LRRC72: variants seen among roughly 807,000 people sequenced by gnomAD.
LRRC72 encodes the protein leucine rich repeat containing 72.
A neutral mutation model predicts 35.8 loss-of-function variants in LRRC72; 41 were observed. The observed-to-expected ratio is 1.15, with a 90% CI of 0.89 to 1.49. LRRC72 has a LOEUF of 1.49. Ranked by LOEUF, LRRC72 falls within the 40% of genes most tolerant of loss-of-function variation. The pLI is 0.00. For synonymous variants in LRRC72, 118 were observed against 119.2 expected (o/e 0.99, Z 0.07); for missense variants, 389 against 330.7 (o/e 1.18, Z -1.37).
chr7:16,579,926 T>G (rs1783111121), intron 7 of LRRC72, 148 bp from the exon 8 acceptor site: 1 of 190,390 alleles, frequency 5.3e-6, no homozygotes, highest in Non-Finnish European at 1.2e-5. Flanking sequence ...TAAAAAGGCA[T>G]TTTTGACAGA....
At chr7:16,574,984 G>A (rs557342800) in intron 7 of LRRC72, among the ~76,000 whole-genome samples, 3 of 152,026 alleles carry the variant, frequency 2.0e-5, no homozygotes, top group South Asian at 2.1e-4. Context: ...GCATGATGGC[G>A]GGCACCTGTA....
chr7:16,537,508 T>G (rs1782277130), intron 2 of LRRC72, 119 bp from the exon 3 acceptor site: 1 of 490,990 alleles, frequency 2.0e-6, no homozygotes, highest in African/African-American at 2.0e-5. Flanking sequence ...GTGCCAATAA[T>G]TTTGAAAGGA....
chr7:16,532,109 A>C (rs1782177156), intron 1 of LRRC72, among the ~76,000 whole-genome samples: 1 of 152,222 alleles, frequency 6.6e-6, no homozygotes, highest in South Asian at 2.1e-4. Context: ...CTGATACTGC[A>C]TGAATTCTCT....
At position 16,567,443 on chromosome 7, in the gene LRRC72, G is replaced by T; in HGVS notation, c.570G>T (p.Lys190Asn). ...RSMITIFNHK[K>N]AHIVQSIAFG... ...TGATTACCATTTTTAACCATAAAAA[G>T]GCTCATATCGTTCAATCAATAGCAT... The change falls in exon 7 of 9, where the codon AAG becomes AAT. Residue 190 changes from lysine (K) to asparagine (N), a missense_variant. Lys to Asn is a moderately conservative substitution (Grantham distance 94, BLOSUM62 0). Transcript: ENST00000401542. The T allele has an allele frequency of 6.6e-7, 1 of 1,525,322 alleles. No individual in the cohort carries two copies. Among genetic ancestry groups the T allele is most frequent in the Non-Finnish European group, 8.8e-7 (1 of 1,135,912 alleles). 94.5% of individuals were successfully genotyped at this position (1,525,322 alleles called of 1,614,324 possible).
chr7:16,571,768 C>T (rs531421526), intron 7 of LRRC72, among the ~76,000 whole-genome samples: 46 of 152,254 alleles, frequency 3.0e-4, no homozygotes, highest in African/African-American at 1.0e-3. Context: ...ACTGGGCGGC[C>T]ATTTGGGCAG....
At chr7:16,573,099 T>C (rs959182498) in intron 7 of LRRC72, among the ~76,000 whole-genome samples, 2 of 152,128 alleles carry the variant, frequency 1.3e-5, no homozygotes, top group African/African-American at 4.8e-5. Flanking sequence ...TTATAAGGGA[T>C]GTGAAGGACC....
At chr7:16,577,535 A>C (rs1339331210) in intron 7 of LRRC72, among the ~76,000 whole-genome samples, 2 of 152,230 alleles carry the variant, frequency 1.3e-5, no homozygotes, top group East Asian at 3.8e-4. Context: ...AACTACATGA[A>C]AATGAAAAAC....
chr7:16,529,814 T>C (rs867758716), intron 1 of LRRC72, among the ~76,000 whole-genome samples: 3 of 152,210 alleles, frequency 2.0e-5, no homozygotes, highest in African/African-American at 7.2e-5. Context: ...TTTTTAAATA[T>C]TCATTCTATG....
intron 3 of LRRC72, among the ~76,000 whole-genome samples, chr7:16,553,430 G>A (rs773607260): frequency 1.6e-4 from 24 of 152,152 alleles, no homozygotes; most frequent in Non-Finnish European, 3.1e-4. Context: ...GGATATGGGG[G>A]TCAAATAAAT....
chr7:16,539,553 C>T (rs1008028927), intron 3 of LRRC72, among the ~76,000 whole-genome samples: 33 of 152,164 alleles, frequency 2.2e-4, no homozygotes, highest in African/African-American at 7.7e-4. Flanking sequence ...TCAAGCCAGC[C>T]GCAGAAATTT....
Position 16,566,367 on chromosome 7 carries a change from AC to A in LRRC72, c.484del (p.His162ThrfsTer21). The part of the protein sequence containing the change: ...QYNLYRLYII[Y>X]HLPGVELLDR... ...AACCTGTATCGTTTATATATCATCTACCACCTTCCAGGAGTGGAGCTGCTTG... is the reference window on the plus strand; with the variant it reads ...AACCTGTATCGTTTATATATCATCTACACCTTCCAGGAGTGGAGCTGCTTG... On this transcript the variant is annotated frameshift_variant, in exon 6 of 9. Transcript: ENST00000401542. LOFTEE classifies it high-confidence loss of function. 1 of 1,547,568 alleles carries A rather than the reference AC, an allele frequency of 6.5e-7. No homozygotes were observed. The highest frequency in any genetic ancestry group is 1.2e-5 in the South Asian group (1 of 83,106).
In LRRC72 at chr7:16,573,675, AT is replaced by A. The variant is rs534969708; in HGVS notation, c.670+6133del. Among the ~76,000 whole-genome samples the A allele has an allele frequency of 2.5e-3, 374 of 152,348 alleles. 1 individual carries two copies. The highest frequency in any genetic ancestry group is 4.0e-3 in the Non-Finnish European group (273 of 68,032). On this transcript the variant is annotated intron_variant, in intron 7 of 8. Transcript: ENST00000401542. ...AACTCAAGATGGATTAGAGACTTAA[AT>A]GTGAGACCTAAAACCATAAAACCCT...
chr7:16,558,406 C>T (rs1381484780), intron 4 of LRRC72, among the ~76,000 whole-genome samples: 1 of 152,066 alleles, frequency 6.6e-6, no homozygotes, highest in African/African-American at 2.4e-5. Context: ...GTCGGGAGTT[C>T]GAGACCAGCC....
chr7:16,574,767 T>C (rs1332125866), intron 7 of LRRC72, among the ~76,000 whole-genome samples: 1 of 151,986 alleles, frequency 6.6e-6, no homozygotes, highest in South Asian at 2.1e-4. Context: ...CTGCACGTCC[T>C]GCACATATAT....
At chr7:16,554,380 C>T (rs1014928117) in intron 3 of LRRC72, among the ~76,000 whole-genome samples, 1 of 152,130 alleles carries the variant, frequency 6.6e-6, no homozygotes, top group Non-Finnish European at 1.5e-5. Flanking sequence ...AGCTGAGTAT[C>T]AGGACAATAG....
chr7:16,531,063 C>T (rs1413290633), intron 1 of LRRC72, among the ~76,000 whole-genome samples: 1 of 151,820 alleles, frequency 6.6e-6, no homozygotes, highest in Non-Finnish European at 1.5e-5. Context: ...GCAGCGTGCA[C>T]CTGTAGTCCC....
chr7:16,548,515 A>G (rs1185636013), intron 3 of LRRC72, among the ~76,000 whole-genome samples: 1 of 152,152 alleles, frequency 6.6e-6, no homozygotes, highest in Non-Finnish European at 1.5e-5. Flanking sequence ...TAGGCACCAC[A>G]CTGCATTCCC....
At chr7:16,529,703 A>G (rs1157505806) in intron 1 of LRRC72, among the ~76,000 whole-genome samples, 1 of 152,354 alleles carries the variant, frequency 6.6e-6, no homozygotes, top group African/African-American at 2.4e-5. Context: ...ACATGCTGTG[A>G]TAAAAACTTG....
intron 7 of LRRC72, among the ~76,000 whole-genome samples, chr7:16,573,587 A>G (rs1782986182): frequency 6.6e-6 from 1 of 152,224 alleles, no homozygotes; most frequent in Admixed American, 6.5e-5. Context: ...GTGTTGGGAA[A>G]ACTGGCTAGC....
Sources: allele counts gnomAD v4.1 joint callset (sites outside exome capture counted in the v4.1 genomes callset), GRCh38; gene constraint gnomAD v4.1.1; transcripts MANE v1.5; gene names NCBI Gene and HGNC (gene_info 2026-07-23, HGNC 2026-07-21).